Variants in DHX57 observed in about 807,000 individuals in gnomAD.
DHX57 encodes DExH-box helicase 57.
A neutral mutation model predicts 156.2 loss-of-function variants in DHX57; 105 were observed. The ratio of observed to expected loss-of-function variants is 0.67; its 90% CI spans 0.57 to 0.79. The LOEUF (loss-of-function observed/expected upper bound fraction) is 0.79, where lower values mean the gene tolerates loss of function less well. DHX57 is among the 30% of genes least tolerant of loss of function. The pLI is 0.00. For synonymous variants in DHX57, 704 were observed against 595.6 expected (o/e 1.18, Z -2.65); for missense variants, 1,847 against 1,661.9 (o/e 1.11, Z -1.94).
Position 38,861,541 on chromosome 2 carries a change from G to A in DHX57, c.869C>T (p.Pro290Leu), listed in dbSNP as rs1440053301. ...YLTSRFRKSK[P>L]KESTKNVQEN... is the part of the protein sequence containing the mutation. Reference sequence around the variant, plus strand: ...TTGTACATTTTTGGTACTTTCTTTTGGCTTGGATTTGCGGAATCTACTTGT... The same window carrying A: ...TTGTACATTTTTGGTACTTTCTTTTAGCTTGGATTTGCGGAATCTACTTGT... Residue 290 changes from proline to leucine, a missense_variant, in exon 5 of 24, where the codon CCA (proline) becomes CTA (leucine). Physicochemically the swap from Pro to Leu is moderately conservative, Grantham distance 98. Transcript: ENST00000457308. 1 of 1,613,900 alleles carries A rather than the reference G, an allele frequency of 6.2e-7. No homozygotes were observed. Among genetic ancestry groups the A allele is most frequent in the East Asian group, 2.2e-5 (1 of 44,890 alleles).
intron 9 of DHX57, among the ~76,000 whole-genome samples, chr2:38,851,324 T>G (rs542327102): frequency 1.3e-5 from 2 of 152,248 alleles, no homozygotes; most frequent in African/African-American, 4.8e-5. Flanking sequence ...AGAATGATCA[T>G]GTCATCTCTG....
At chr2:38,813,167 A>G (rs1470372811) in intron 21 of DHX57, among the ~76,000 whole-genome samples, 2 of 151,862 alleles carry the variant, frequency 1.3e-5, no homozygotes, top group Non-Finnish European at 2.9e-5. Context: ...TGTTCAGAGT[A>G]GAGAGTGTAA....
chr2:38,874,870 C>A (rs1305337627), intron 1 of DHX57, among the ~76,000 whole-genome samples: 3 of 152,268 alleles, frequency 2.0e-5, no homozygotes, highest in African/African-American at 7.2e-5. Flanking sequence ...AAACTGAATT[C>A]TGTAAGGTTG....
intron 8 of DHX57, 82 bp from the exon 9 acceptor site, chr2:38,854,260 T>G: frequency 2.1e-6 from 3 of 1,425,472 alleles, no homozygotes; most frequent in Non-Finnish European, 2.9e-6. Flanking sequence ...TTTGAATGGA[T>G]AGTGATAAAA....
intron 2 of DHX57, among the ~76,000 whole-genome samples, chr2:38,865,832 T>C (rs1665039175): frequency 6.6e-6 from 1 of 152,126 alleles, no homozygotes; most frequent in Non-Finnish European, 1.5e-5. Context: ...ATTTATATAT[T>C]AAATTATCTA....
intron 21 of DHX57, among the ~76,000 whole-genome samples, chr2:38,807,176 T>C (rs1028322208): frequency 1.1e-4 from 17 of 151,980 alleles, no homozygotes; most frequent in Middle Eastern, 3.4e-3. Context: ...TGCATTAGGC[T>C]CCCAAGTAGC....
At chr2:38,843,820 A>G (rs992166291) in intron 11 of DHX57, among the ~76,000 whole-genome samples, 20 of 152,226 alleles carry the variant, frequency 1.3e-4, no homozygotes, top group African/African-American at 4.8e-4. Flanking sequence ...CAATTTCAAA[A>G]GGCTTTACTT....
At chr2:38,835,941 C>T (rs1671632527) in intron 13 of DHX57, among the ~76,000 whole-genome samples, 1 of 152,226 alleles carries the variant, frequency 6.6e-6, no homozygotes, top group Non-Finnish European at 1.5e-5. Context: ...AATTCAAGAG[C>T]TAGCCAACAC....
intron 11 of DHX57, among the ~76,000 whole-genome samples, chr2:38,844,004 C>T (rs1053568012): frequency 2.6e-5 from 4 of 152,078 alleles, no homozygotes; most frequent in Non-Finnish European, 5.9e-5. Context: ...CTATGATTTC[C>T]TATAAGATTT....
chr2:38,811,230 C>A, intron 21 of DHX57: 1 of 498,314 alleles, frequency 2.0e-6, no homozygotes, highest in South Asian at 1.7e-5. Flanking sequence ...TTGTAGAACT[C>A]AGGGATCCTC....
chr2:38,862,218 C>T lies in DHX57; in HGVS notation c.499G>A (p.Ala167Thr), dbSNP rs752725032. ...LVPDLDPLEYAGLASVEPYVP... is the reference protein window; with the variant it reads ...LVPDLDPLEYTGLASVEPYVP... ...TAAGGCTCCACTGAGGCTAAGCCAG[C>T]ATATTCCAAAGGATCCAAGTCGGGA... The change falls in exon 4 of 24, where the codon GCT becomes ACT. Residue 167 changes from alanine (A) to threonine (T), a missense_variant. Physicochemically the swap from Ala to Thr is moderately conservative, Grantham distance 58. Transcript: ENST00000457308. 7.4e-6 allele frequency: 12 copies of T among 1,613,890 alleles called. No homozygotes were observed. In the South Asian group the frequency reaches 1.3e-4, roughly 18 times the overall value.
intron 22 of DHX57, 43 bp downstream of exon 22, chr2:38,806,516 C>T (rs906275525): frequency 6.2e-6 from 10 of 1,600,432 alleles, no homozygotes; most frequent in Middle Eastern, 1.7e-4. Context: ...ATTTCCTACC[C>T]CAGGACGACC....
At chr2:38,829,380 C>T (rs972098346) in intron 13 of DHX57, among the ~76,000 whole-genome samples, 7 of 151,158 alleles carry the variant, frequency 4.6e-5, no homozygotes, top group African/African-American at 1.7e-4. Flanking sequence ...CTCCTGGGTT[C>T]AATTGATTCT....
At chr2:38,865,495 T>C (rs992100866) in intron 2 of DHX57, among the ~76,000 whole-genome samples, 4 of 152,214 alleles carry the variant, frequency 2.6e-5, no homozygotes, top group Admixed American at 6.5e-5. Context: ...TAAACCTCTT[T>C]CCTTTATAAA....
At chr2:38,807,351 G>C in intron 21 of DHX57, among the ~76,000 whole-genome samples, 1 of 151,756 alleles carries the variant, frequency 6.6e-6, no homozygotes, top group Non-Finnish European at 1.5e-5. Context: ...ACTACAACCG[G>C]ACCAGTAAAT....
chr2:38,863,517 G>C lies in DHX57; in HGVS notation c.227C>G (p.Pro76Arg). 1 of 1,609,072 alleles carries C rather than the reference G, an allele frequency of 6.2e-7. No homozygotes were observed. The highest frequency in any genetic ancestry group is 8.5e-7 in the Non-Finnish European group (1 of 1,178,804). Residue 76 changes from proline (P) to arginine (R), a missense_variant and splice_region_variant, in exon 3 of 24, where the codon CCT becomes CGT. Transcript: ENST00000457308. Reference protein sequence around the residue: ...IFSESRRPSRPSNSNISKGES... With the variant: ...IFSESRRPSRRSNSNISKGES... ...TCCTTTGCTTATGTTACTGTTGCTAGGTCTATAGAGAACAAAAGAGCAAAA... is the reference window on the plus strand; with the variant it reads ...TCCTTTGCTTATGTTACTGTTGCTACGTCTATAGAGAACAAAAGAGCAAAA...
In DHX57 at chr2:38,828,444, T is replaced by A. The variant is rs1432374250; in HGVS notation, c.2543-8A>T. ...AAAATACAAGTATAGCACCTGGGTA[T>A]ATAAAAAGAATCAATATGTGGGTAA... On this transcript the variant is annotated splice_polypyrimidine_tract_variant and splice_region_variant and intron_variant, in intron 13 of 23. Coordinates refer to ENST00000457308, the MANE Select transcript of DHX57 (RefSeq NM_198963.3). The A allele has an allele frequency of 6.3e-6, 10 of 1,595,694 alleles. No homozygotes were observed. The highest frequency in any genetic ancestry group is 8.5e-6 in the Non-Finnish European group (10 of 1,171,312).
chr2:38,802,690 T>C (rs1669743281), intron 23 of DHX57, 25 bp downstream of exon 23: 3 of 1,613,292 alleles, frequency 1.9e-6, no homozygotes, highest in Non-Finnish European at 2.5e-6. Flanking sequence ...CTGAGCCTCA[T>C]AAAACAGACC....
At chr2:38,826,120 A>G in intron 15 of DHX57, 73 bp from the exon 16 acceptor site, 1 of 1,459,320 alleles carries the variant, frequency 6.9e-7, no homozygotes, top group Non-Finnish European at 9.3e-7. Flanking sequence ...TATGGACAGA[A>G]TAGATGAACC....
Sources: gnomAD v4.1 joint callset for allele counts (sites outside exome capture counted in the v4.1 genomes callset) on GRCh38, gnomAD v4.1.1 for gene constraint, MANE v1.5 for transcripts, NCBI Gene and HGNC (gene_info 2026-07-23, HGNC 2026-07-21) for gene names.